Variants in ASB3 observed in about 807,000 individuals in gnomAD.
ASB3 encodes the protein ankyrin repeat and SOCS box containing 3.
Under a neutral mutation model 54.5 loss-of-function variants are expected in ASB3, and 41 were observed. The ratio of observed to expected loss-of-function variants is 0.75; its 90% CI spans 0.59 to 0.98. ASB3 has a LOEUF of 0.98. Among genes scored for constraint, ASB3 ranks in the 50% least tolerant of loss-of-function variants. ASB3 has a pLI of 0.00. For synonymous variants in ASB3, 266 were observed against 221.2 expected (o/e 1.20, Z -1.80); for missense variants, 733 against 620.0 (o/e 1.18, Z -1.94).
chr2:53,698,905 C>G (rs1286514609), intron 8 of ASB3, among the ~76,000 whole-genome samples: 5 of 152,180 alleles, frequency 3.3e-5, no homozygotes, highest in Admixed American at 2.6e-4. Flanking sequence ...TACCCATTAC[C>G]TAGTTCGAAA....
At chr2:53,706,064 G>C (rs1220857911) in intron 7 of ASB3, among the ~76,000 whole-genome samples, 1 of 152,104 alleles carries the variant, frequency 6.6e-6, no homozygotes. Context: ...ACAACTGTTA[G>C]CTCATTTGAT....
chr2:53,783,519 G>T (rs767906484), intron 1 of ASB3, among the ~76,000 whole-genome samples: 1 of 151,702 alleles, frequency 6.6e-6, no homozygotes, highest in Non-Finnish European at 1.5e-5. Flanking sequence ...TGCCAAGAAG[G>T]ATGAATGAAA....
At chr2:53,725,996 A>C (rs552388887) in intron 5 of ASB3, among the ~76,000 whole-genome samples, 1 of 152,310 alleles carries the variant, frequency 6.6e-6, no homozygotes. Flanking sequence ...TAAGGAACCA[A>C]TTTCTTTAAA....
At chr2:53,734,346 A>G (rs1350782411) in intron 3 of ASB3, among the ~76,000 whole-genome samples, 1 of 152,240 alleles carries the variant, frequency 6.6e-6, no homozygotes, top group Non-Finnish European at 1.5e-5. Context: ...CCCTAAAAAT[A>G]AAACAAACAA....
At chr2:53,687,253 TA>T (rs895944686) in intron 9 of ASB3, among the ~76,000 whole-genome samples, 1 of 145,870 alleles carries the variant, frequency 6.9e-6, no homozygotes. Context: ...AATTTCTCGC[TA>T]AAAAAAAAAC....
chr2:53,706,159 G>A (rs370811264), intron 7 of ASB3, among the ~76,000 whole-genome samples: 3 of 152,168 alleles, frequency 2.0e-5, no homozygotes, highest in Non-Finnish European at 4.4e-5. Flanking sequence ...GCAGAATGAA[G>A]TGAAATACCC....
At chr2:53,772,186 G>T (rs561556784) in intron 1 of ASB3, among the ~76,000 whole-genome samples, 3 of 151,858 alleles carry the variant, frequency 2.0e-5, no homozygotes, top group Admixed American at 6.5e-5. Context: ...TTTTTGTGGG[G>T]TTTTTTGAGA....
intron 5 of ASB3, among the ~76,000 whole-genome samples, chr2:53,724,477 T>G (rs1264324377): frequency 2.0e-5 from 3 of 152,034 alleles, no homozygotes; most frequent in Non-Finnish European, 4.4e-5. Flanking sequence ...CACGTGCCTG[T>G]AGTCCCAGCT....
chr2:53,757,625 C>G lies in ASB3; in HGVS notation c.197-6684G>C, dbSNP rs557540197. Reference sequence around the variant, plus strand: ...TCATTTCCTCTCCCAAGTATTAGAGCAAGTTGTATCTCCAAAGGGATCTAA... The same window carrying G: ...TCATTTCCTCTCCCAAGTATTAGAGGAAGTTGTATCTCCAAAGGGATCTAA... On this transcript the variant is annotated intron_variant, in intron 2 of 9. Transcript: ENST00000263634. Among the ~76,000 whole-genome samples the G allele has an allele frequency of 3.2e-4, 49 of 152,364 alleles. 2 individuals are homozygous for G. In the South Asian group the frequency reaches 9.7e-3, roughly 30 times the overall value.
At chr2:53,768,876 A>T (rs905328724) in intron 1 of ASB3, among the ~76,000 whole-genome samples, 3 of 152,248 alleles carry the variant, frequency 2.0e-5, no homozygotes, top group Admixed American at 6.5e-5. Flanking sequence ...AGATTGAGGT[A>T]ACTAATAATT....
At chr2:53,706,342 A>G (rs1317233366) in intron 7 of ASB3, among the ~76,000 whole-genome samples, 1 of 152,256 alleles carries the variant, frequency 6.6e-6, no homozygotes, top group African/African-American at 2.4e-5. Context: ...TAGGAGTTAG[A>G]TCAAGGGCAA....
At chr2:53,737,086 T>C (rs1217339604) in intron 3 of ASB3, among the ~76,000 whole-genome samples, 1 of 152,208 alleles carries the variant, frequency 6.6e-6, no homozygotes, top group Non-Finnish European at 1.5e-5. Context: ...GATATGACAG[T>C]ATAACTGGTA....
chr2:53,675,215 G>C lies in ASB3; in HGVS notation c.1370-4525C>G, dbSNP rs186266893. Reference sequence around the variant, plus strand: ...CACCACACAAATCCCAGGCACCACAGAATCTAGTGATCTCCAAATGTTTTG... The same window carrying C: ...CACCACACAAATCCCAGGCACCACACAATCTAGTGATCTCCAAATGTTTTG... On this transcript the variant is annotated intron_variant, in intron 9 of 9. Transcript: ENST00000263634. 7.3e-4 allele frequency among the ~76,000 whole-genome samples: 111 copies of C among 152,242 alleles called. 1 individual carries two copies. Among genetic ancestry groups the C allele is most frequent in the African/African-American group, 2.5e-3 (102 of 41,548 alleles).
intron 7 of ASB3, among the ~76,000 whole-genome samples, chr2:53,706,297 A>G (rs1669765411): frequency 6.6e-6 from 1 of 152,192 alleles, no homozygotes; most frequent in South Asian, 2.1e-4. Flanking sequence ...ATAATTATTG[A>G]TTCATTAATT....
intron 1 of ASB3, among the ~76,000 whole-genome samples, chr2:53,772,823 C>CCTAGTATCAATTAGTTATTTTT (rs1674037116): frequency 6.6e-6 from 1 of 152,036 alleles, no homozygotes; most frequent in Non-Finnish European, 1.5e-5. Context: ...TAACATTAAG[C>CCTAGTATCAATTAGTTATTTTT]CTAGTATCAA....
intron 8 of ASB3, among the ~76,000 whole-genome samples, chr2:53,698,847 G>A (rs189296964): frequency 8.1e-4 from 123 of 152,154 alleles, no homozygotes; most frequent in Middle Eastern, 3.4e-3. Flanking sequence ...CTCCATTTAC[G>A]GAAATATAGG....
At chr2:53,728,970 C>A (rs1253235239) in intron 4 of ASB3, 123 bp from the exon 5 acceptor site, 2 of 1,140,486 alleles carry the variant, frequency 1.8e-6, no homozygotes, top group African/African-American at 3.1e-5. Context: ...AAGGAAAAAA[C>A]AAAACAGTAT....
At chr2:53,714,218 G>A (rs528282482) in intron 7 of ASB3, among the ~76,000 whole-genome samples, 166 bp downstream of exon 7, 2 of 152,286 alleles carry the variant, frequency 1.3e-5, no homozygotes, top group African/African-American at 4.8e-5. Context: ...CCTCATTTCT[G>A]CTTCAGCTTG....
intron 5 of ASB3, among the ~76,000 whole-genome samples, chr2:53,718,140 T>C (rs1169373312): frequency 6.6e-6 from 1 of 152,156 alleles, no homozygotes; most frequent in Non-Finnish European, 1.5e-5. Context: ...TAAGAAAATT[T>C]CCCTAATCTT....
Sources: gnomAD v4.1 joint callset for allele counts (sites outside exome capture counted in the v4.1 genomes callset) on GRCh38, gnomAD v4.1.1 for gene constraint, MANE v1.5 for transcripts, NCBI Gene and HGNC (gene_info 2026-07-23, HGNC 2026-07-21) for gene names.